Variants in BFSP2 observed in about 807,000 individuals in gnomAD.
BFSP2 encodes the protein phakinin.
Under a neutral mutation model 44.9 loss-of-function variants are expected in BFSP2, and 38 were observed. That is an observed-to-expected ratio of 0.85 (90% CI 0.65 to 1.11). BFSP2 has a LOEUF of 1.11. BFSP2 is among the 50% of genes least tolerant of loss of function. BFSP2 has a pLI of 0.00. For synonymous variants in BFSP2, 197 were observed against 209.9 expected (o/e 0.94, Z 0.53); for missense variants, 525 against 533.0 (o/e 0.99, Z 0.15).
intron 5 of BFSP2, among the ~76,000 whole-genome samples, chr3:133,471,592 T>C (rs1192848720): frequency 6.6e-6 from 1 of 152,078 alleles, no homozygotes. Flanking sequence ...AAGGAAAGAT[T>C]GGTGGTGGAA....
chr3:133,440,206 A>G (rs2073831510), intron 1 of BFSP2, among the ~76,000 whole-genome samples: 1 of 101,856 alleles, frequency 9.8e-6, no homozygotes, highest in African/African-American at 3.9e-5. Flanking sequence ...TCATGAGAAT[A>G]GCACGGGAAA....
Position 133,400,503 on chromosome 3 carries a change from G to A in BFSP2, c.420G>A (p.Leu140=), listed in dbSNP as rs775787257. Residue 140 remains leucine (L), a synonymous_variant, in exon 1 of 7, where the codon CTG becomes CTA. Transcript: ENST00000302334. The surrounding 1 kb of genome is among the most constrained non-coding windows in gnomAD (Gnocchi z 4.0). The part of the protein sequence containing the change: ...QELETQLRMH[L]ESKATRSGNW... ...TGGAAACACAACTGCGGATGCACCTGGAGAGCAAAGCCACACGCTCGGGAA... is the reference window on the plus strand; with the variant it reads ...TGGAAACACAACTGCGGATGCACCTAGAGAGCAAAGCCACACGCTCGGGAA... 10 of 1,613,976 alleles carry A rather than the reference G, an allele frequency of 6.2e-6. No individual in the cohort carries two copies. In the South Asian group the frequency reaches 9.9e-5, roughly 16 times the overall value.
Position 133,400,166 on chromosome 3 carries a change from G to A in BFSP2, c.83G>A (p.Arg28Lys), listed in dbSNP as rs1202907650. The A allele has an allele frequency of 5.0e-6, 8 of 1,614,130 alleles. No individual in the cohort carries two copies. Among genetic ancestry groups the A allele is most frequent in the Non-Finnish European group, 5.9e-6 (7 of 1,180,032 alleles). Residue 28 changes from arginine (R) to lysine (K), a missense_variant, in exon 1 of 7, where the codon AGG becomes AAG. By Grantham distance (26) the Arg-to-Lys change is conservative. Coordinates refer to ENST00000302334, the MANE Select transcript of BFSP2 (RefSeq NM_003571.4). This position sits in a 1 kb window ranked among gnomAD's most constrained non-coding sequence, Gnocchi z 4.0. Reference protein sequence around the residue: ...MPLQRRRASFRGPRSSSSLES... With the variant: ...MPLQRRRASFKGPRSSSSLES... ...CTCCAGAGGCGCAGGGCGTCCTTCA[G>A]GGGGCCACGGTCATCATCCTCCCTG...
chr3:133,431,892 CTT>C (rs2073724972), intron 1 of BFSP2, among the ~76,000 whole-genome samples: 1 of 152,260 alleles, frequency 6.6e-6, no homozygotes, highest in Non-Finnish European at 1.5e-5. Flanking sequence ...GGCCGAGACA[CTT>C]TAAATTATCT....
At chr3:133,414,087 A>G (rs1381897049) in intron 1 of BFSP2, among the ~76,000 whole-genome samples, 1 of 59,730 alleles carries the variant, frequency 1.7e-5, no homozygotes, top group Admixed American at 1.8e-4. Context: ...CCCTCCACAA[A>G]CCCCTCTACT....
chr3:133,457,556 A>AT (rs200291661), intron 4 of BFSP2, among the ~76,000 whole-genome samples: 1 of 152,124 alleles, frequency 6.6e-6, no homozygotes, highest in Non-Finnish European at 1.5e-5. Flanking sequence ...AAATATATAT[A>AT]TTTTTTTTCC....
chr3:133,453,932 G>A (rs1310406173), intron 4 of BFSP2, among the ~76,000 whole-genome samples: 2 of 152,168 alleles, frequency 1.3e-5, no homozygotes, highest in Non-Finnish European at 2.9e-5. Flanking sequence ...ATGGTGTTAC[G>A]AATGTCAGGA....
intron 5 of BFSP2, among the ~76,000 whole-genome samples, chr3:133,469,210 T>C (rs2074139348): frequency 6.6e-6 from 1 of 152,238 alleles, no homozygotes; most frequent in South Asian, 2.1e-4. Flanking sequence ...TAGATTATCG[T>C]TCTGGTCACG....
At chr3:133,451,933 T>C (rs2073969663) in intron 4 of BFSP2, among the ~76,000 whole-genome samples, 1 of 152,030 alleles carries the variant, frequency 6.6e-6, no homozygotes, top group Non-Finnish European at 1.5e-5. Flanking sequence ...GGAAGGAAAA[T>C]GTGGAAAAGT....
chr3:133,474,173 GC>G (rs1447842836), intron 6 of BFSP2, among the ~76,000 whole-genome samples: 3 of 152,000 alleles, frequency 2.0e-5, no homozygotes, highest in Non-Finnish European at 4.4e-5. Context: ...AGAAACCCAG[GC>G]CCTTATTTTG....
At chr3:133,468,128 T>C (rs11916977) in intron 5 of BFSP2, among the ~76,000 whole-genome samples, 13,959 of 152,184 alleles carry the variant, frequency 0.092, 2,072 homozygotes, top group African/African-American at 0.31. Flanking sequence ...TTCCTAGAAC[T>C]GTACCAAGTG....
chr3:133,414,929 G>GCTCTA (rs2073500552), intron 1 of BFSP2, among the ~76,000 whole-genome samples: 7 of 28,552 alleles, frequency 2.5e-4, no homozygotes, highest in South Asian at 1.6e-3. Context: ...TGTCCCCTCT[G>GCTCTA]CTCACCCCTC....
At chr3:133,470,704 T>G (rs1472179026) in intron 5 of BFSP2, among the ~76,000 whole-genome samples, 1 of 152,232 alleles carries the variant, frequency 6.6e-6, no homozygotes, top group Non-Finnish European at 1.5e-5. Flanking sequence ...GAACCTATTC[T>G]GTGCCAGGCC....
At chr3:133,402,658 T>G (rs2073371515) in intron 1 of BFSP2, among the ~76,000 whole-genome samples, 2 of 151,574 alleles carry the variant, frequency 1.3e-5, no homozygotes, top group African/African-American at 4.9e-5. Flanking sequence ...TTTTTTTTTT[T>G]GAGATGGAGT....
intron 1 of BFSP2, among the ~76,000 whole-genome samples, chr3:133,414,657 A>C (rs1487884354): frequency 5.8e-4 from 20 of 34,618 alleles, no homozygotes; most frequent in African/African-American, 9.4e-4. Flanking sequence ...CCGCTGTCTC[A>C]CTCCCCTCTA....
intron 5 of BFSP2, among the ~76,000 whole-genome samples, chr3:133,469,347 A>C (rs1284396305): frequency 6.6e-6 from 1 of 152,256 alleles, no homozygotes; most frequent in Non-Finnish European, 1.5e-5. Flanking sequence ...CTGTGCACAC[A>C]CAAGGCCCCC....
At chr3:133,464,635 A>G (rs1454860008) in intron 4 of BFSP2, among the ~76,000 whole-genome samples, 1 of 126,368 alleles carries the variant, frequency 7.9e-6, no homozygotes, top group African/African-American at 3.1e-5. Context: ...GTTGGCCACT[A>G]TTACTTTTTA....
chr3:133,425,873 TAAAG>T (rs1396496993), intron 1 of BFSP2, among the ~76,000 whole-genome samples: 1 of 70,308 alleles, frequency 1.4e-5, no homozygotes, highest in Non-Finnish European at 2.6e-5. Context: ...GGAAGGGAAA[TAAAG>T]AAGGGAAGGG....
chr3:133,447,344 C>T lies in BFSP2; in HGVS notation c.517C>T (p.Arg173Trp), dbSNP rs375380005. Residue 173 changes from arginine to tryptophan, a missense_variant, in exon 2 of 7, where the codon CGG becomes TGG. By Grantham distance (101) the Arg-to-Trp change is moderately radical. Coordinates refer to ENST00000302334, the MANE Select transcript of BFSP2 (RefSeq NM_003571.4). ...QVGEAVLENA[R>W]LMLQTETIQA... ...GGGTGAGGCAGTCTTGGAAAATGCC[C>T]GGCTCATGCTGCAGACAGAAACTAT... 55 of 1,613,816 alleles carry T rather than the reference C, an allele frequency of 3.4e-5. No homozygotes were observed. Among genetic ancestry groups the T allele is most frequent in the Middle Eastern group, 1.7e-4 (1 of 6,042 alleles).
Sources: gnomAD v4.1 joint callset for allele counts (sites outside exome capture counted in the v4.1 genomes callset) on GRCh38, gnomAD v4.1.1 for gene constraint, Gnocchi (gnomAD v3.1) non-coding constraint, MANE v1.5 for transcripts, NCBI Gene and HGNC (gene_info 2026-07-23, HGNC 2026-07-21) for gene names.